The following ZCCHC7 variants were observed in gnomAD, a reference collection of about 807,000 sequenced individuals.
The protein encoded by ZCCHC7 is zinc finger CCHC domain-containing protein 7.
ZCCHC7 carries 35 observed loss-of-function variants against 52.0 expected under a neutral mutation model. The observed-to-expected ratio is 0.67, with a 90% CI of 0.51 to 0.89. The LOEUF (loss-of-function observed/expected upper bound fraction) is 0.89. ZCCHC7 is among the 40% of genes least tolerant of loss of function. ZCCHC7 has a pLI of 0.00. For missense variants in ZCCHC7, 574 were observed against 649.1 expected (o/e 0.88, Z 1.26); for synonymous variants, 217 against 221.5 (o/e 0.98, Z 0.18).
chr9:37,254,833 G>GTTCCTTTT (rs1826497728), intron 2 of ZCCHC7, among the ~76,000 whole-genome samples: 1 of 12,412 alleles, frequency 8.1e-5, no homozygotes, highest in Non-Finnish European at 2.0e-4. Flanking sequence ...TGCTCAAAAA[G>GTTCCTTTT]TTTCTTTTTT....
intron 1 of ZCCHC7, among the ~76,000 whole-genome samples, chr9:37,122,379 CA>C (rs1294331626): frequency 3.9e-5 from 6 of 152,170 alleles, no homozygotes; most frequent in African/African-American, 1.4e-4. Flanking sequence ...GTTTCATTTG[CA>C]TGATATTTTA....
intron 1 of ZCCHC7, among the ~76,000 whole-genome samples, chr9:37,125,738 T>G (rs1842513738): frequency 6.6e-6 from 1 of 152,224 alleles, no homozygotes; most frequent in African/African-American, 2.4e-5. Flanking sequence ...TCTCAATTTG[T>G]TTTTCGTTTA....
chr9:37,141,561 A>G (rs139595268), intron 2 of ZCCHC7, among the ~76,000 whole-genome samples: 18 of 152,088 alleles, frequency 1.2e-4, no homozygotes, highest in Admixed American at 7.9e-4. Context: ...ATTTGTATTC[A>G]TGGTCACTTT....
In ZCCHC7 at chr9:37,207,357, G is replaced by T. The variant is rs753409016; in HGVS notation, c.610+80415G>T. Among the ~76,000 whole-genome samples, 3 of 151,454 alleles carry T rather than the reference G, an allele frequency of 2.0e-5. No homozygotes were observed. In the East Asian group the frequency reaches 5.8e-4, roughly 29 times the overall value. The stretch of plus-strand genomic sequence containing the variant: ...GTCAGTAGTCATTTTTTTTCTATAC[G>T]TTAATGTGTCATTTTTCTCTGCCTT... On this transcript the variant is annotated intron_variant, in intron 2 of 8. Coordinates refer to ENST00000336755, the MANE Select transcript of ZCCHC7 (RefSeq NM_032226.3).
At chr9:37,352,391 G>T (rs1821428984) in intron 7 of ZCCHC7, among the ~76,000 whole-genome samples, 1 of 151,910 alleles carries the variant, frequency 6.6e-6, no homozygotes, top group Admixed American at 6.6e-5. Flanking sequence ...ACTGTACAAA[G>T]ATTACTCCAG....
chr9:37,171,597 T>G (rs1222995423), intron 2 of ZCCHC7, among the ~76,000 whole-genome samples: 1 of 152,010 alleles, frequency 6.6e-6, no homozygotes, highest in East Asian at 1.9e-4. Context: ...TTAAAAAGTT[T>G]TTTTTAGAGA....
chr9:37,185,703 A>G (rs537843406), intron 2 of ZCCHC7, among the ~76,000 whole-genome samples: 5 of 152,022 alleles, frequency 3.3e-5, no homozygotes, highest in Non-Finnish European at 7.4e-5. Flanking sequence ...TTTGGTCTCA[A>G]ATTTTTTTCT....
In ZCCHC7 at chr9:37,133,087, T is replaced by C. The variant is rs1229402714; in HGVS notation, c.610+6145T>C. Among the ~76,000 whole-genome samples, 3 of 152,124 alleles carry C rather than the reference T, an allele frequency of 2.0e-5. No individual in the cohort carries two copies. The South Asian group carries it at 6.2e-4, about 32-fold the overall frequency. ...AGACGGAGGTTGCAGTGAGCCGAGA[T>C]CGTGCCACTGCATTCTAGCCTGGGC... is the stretch of plus-strand genomic sequence containing the variant. On this transcript the variant is annotated intron_variant, in intron 2 of 8. Coordinates refer to ENST00000336755, the MANE Select transcript of ZCCHC7 (RefSeq NM_032226.3).
In ZCCHC7 at chr9:37,354,922, T is replaced by C. The variant is rs973081188; in HGVS notation, c.1198+98T>C. ...CTGCTTTGGGGGTCATTGGTTAGCA[T>C]AGAAAGTATTTTTAGTAATTACCAA... On this transcript the variant is annotated intron_variant, in intron 8 of 8. Coordinates refer to ENST00000336755, the MANE Select transcript of ZCCHC7 (RefSeq NM_032226.3). The surrounding 1 kb of genome is among the most constrained non-coding windows in gnomAD (Gnocchi z 4.0). 35 of 716,418 alleles carry C rather than the reference T, an allele frequency of 4.9e-5. No homozygotes were observed. The highest frequency in any genetic ancestry group is 7.4e-5 in the Non-Finnish European group (33 of 446,912). 44.4% of individuals were successfully genotyped at this position (716,418 alleles called of 1,614,324 possible).
intron 2 of ZCCHC7, among the ~76,000 whole-genome samples, chr9:37,211,411 A>G (rs1331784972): frequency 6.6e-6 from 1 of 152,152 alleles, no homozygotes; most frequent in East Asian, 1.9e-4. Context: ...TAAGCTGTAT[A>G]TGCAGCCAAG....
intron 5 of ZCCHC7, among the ~76,000 whole-genome samples, chr9:37,308,024 A>C (rs1348633778): frequency 6.6e-6 from 1 of 152,180 alleles, no homozygotes; most frequent in Non-Finnish European, 1.5e-5. Context: ...TGCACTCATC[A>C]ACATTAAGTA....
At chr9:37,218,942 A>ATTTT (rs5897682) in intron 2 of ZCCHC7, among the ~76,000 whole-genome samples, 1 of 106,404 alleles carries the variant, frequency 9.4e-6, no homozygotes, top group African/African-American at 3.8e-5. Flanking sequence ...CTAGAGCAAC[A>ATTTT]TTTTTTTTTT....
chr9:37,321,923 G>T (rs1045845900), intron 5 of ZCCHC7, among the ~76,000 whole-genome samples: 1 of 152,130 alleles, frequency 6.6e-6, no homozygotes, highest in Non-Finnish European at 1.5e-5. Flanking sequence ...ATTTTCTCAG[G>T]ATGTCAGCGC....
chr9:37,126,151 A>G (rs1049419434), intron 1 of ZCCHC7, among the ~76,000 whole-genome samples, 161 bp from the exon 2 acceptor site: 6 of 152,256 alleles, frequency 3.9e-5, no homozygotes, highest in African/African-American at 1.4e-4. Flanking sequence ...AGTGGGTCCT[A>G]ACAGGACTTA....
chr9:37,313,230 G>T (rs979947097), intron 5 of ZCCHC7, among the ~76,000 whole-genome samples: 4 of 152,164 alleles, frequency 2.6e-5, no homozygotes, highest in Admixed American at 2.6e-4. Flanking sequence ...TTGATTGATT[G>T]TCTTACAAAA....
chr9:37,329,527 C>T (rs998604832), intron 6 of ZCCHC7, among the ~76,000 whole-genome samples: 4 of 151,772 alleles, frequency 2.6e-5, no homozygotes, highest in Non-Finnish European at 5.9e-5. Flanking sequence ...AAGTTGCCAT[C>T]ACAGTTTATA....
intron 5 of ZCCHC7, 123 bp from the exon 6 acceptor site, chr9:37,327,676 C>T (rs1411994098): frequency 2.0e-6 from 2 of 1,001,732 alleles, no homozygotes; most frequent in Non-Finnish European, 3.0e-6. Flanking sequence ...AATGCAGACC[C>T]TTTCTGTTAA....
Position 37,298,856 on chromosome 9 carries a change from C to G in ZCCHC7, c.611-3332C>G, listed in dbSNP as rs16933993. ...TAAAATTGAGGTATTATCCATTCTT[C>G]TGAATTTACCATAGCATTTGTTTGG... On this transcript the variant is annotated intron_variant, in intron 2 of 8. Coordinates refer to ENST00000336755, the MANE Select transcript of ZCCHC7 (RefSeq NM_032226.3). 4.4e-3 allele frequency among the ~76,000 whole-genome samples: 664 copies of G among 152,262 alleles called. 3 individuals are homozygous for G. The highest frequency in any genetic ancestry group is 0.015 in the African/African-American group (636 of 41,546).
At chr9:37,330,993 A>G (rs906719308) in intron 6 of ZCCHC7, among the ~76,000 whole-genome samples, 2 of 151,860 alleles carry the variant, frequency 1.3e-5, no homozygotes, top group African/African-American at 2.4e-5. Flanking sequence ...TGAGGGCTGT[A>G]TGTGTTAAGA....
Sources: gnomAD v4.1 joint callset for allele counts (sites outside exome capture counted in the v4.1 genomes callset) on GRCh38, gnomAD v4.1.1 for gene constraint, Gnocchi (gnomAD v3.1) non-coding constraint, MANE v1.5 for transcripts, NCBI Gene and HGNC (gene_info 2026-07-23, HGNC 2026-07-21) for gene names.